Variants in INTS10 observed in about 807,000 individuals in gnomAD.
The protein encoded by INTS10 is chromosome 8 open reading frame 35.
Under a neutral mutation model 94.4 loss-of-function variants are expected in INTS10, and 44 were observed. That is an observed-to-expected ratio of 0.47 (90% confidence interval 0.37 to 0.60). The LOEUF is 0.60. Ranked by LOEUF, INTS10 falls within the 20% of genes least tolerant of loss-of-function variation. The pLI is 0.00. For synonymous variants in INTS10, 341 were observed against 320.7 expected (o/e 1.06, Z -0.68); for missense variants, 797 against 868.7 (o/e 0.92, Z 1.04).
intron 10 of INTS10, among the ~76,000 whole-genome samples, 183 bp from the exon 11 acceptor site, chr8:19,831,845 A>G (rs2067251955): frequency 1.3e-5 from 2 of 152,240 alleles, no homozygotes. Context: ...CTTGTGTATT[A>G]CTGATAAGTG....
chr8:19,823,501 G>A (rs2066551674), intron 6 of INTS10, 60 bp downstream of exon 6: 2 of 1,152,046 alleles, frequency 1.7e-6, no homozygotes, highest in Admixed American at 1.9e-5. Context: ...GCAAAATTCA[G>A]AAACCCCTCA....
Position 19,817,851 on chromosome 8 carries a change from C to T in INTS10, c.129+185C>T, listed in dbSNP as rs541615320. Among the ~76,000 whole-genome samples the T allele has an allele frequency of 4.6e-5, 7 of 151,542 alleles. No individual in the cohort carries two copies. In the East Asian group the frequency reaches 1.2e-3, roughly 25 times the overall value. On this transcript the variant is annotated intron_variant, in intron 1 of 16. Coordinates refer to ENST00000397977, the MANE Select transcript of INTS10 (RefSeq NM_018142.4). ...TACACCTTGCTCCTACACCTTTCAC[C>T]CGCCTTGCTCCTACACCTTCCAGGA...
rs890953635 is a variant in INTS10 at position 19,843,957 on chromosome 8, A to G, written c.1720-119A>G. ...TGTGCCTTTGTTTCCTTCTTACTCT[A>G]ATGACGTTTATCACACATTTGCATA... On this transcript the variant is annotated intron_variant, in intron 14 of 16. Coordinates refer to ENST00000397977, the MANE Select transcript of INTS10 (RefSeq NM_018142.4). The surrounding 1 kb of genome is among the most constrained non-coding windows in gnomAD (Gnocchi z 4.7). The G allele has an allele frequency of 2.8e-6, 2 of 701,914 alleles. No individual in the cohort carries two copies. The highest frequency in any genetic ancestry group is 4.7e-6 in the Non-Finnish European group (2 of 427,880). 43.5% of individuals were successfully genotyped at this position (701,914 alleles called of 1,614,324 possible). A position where few individuals can be genotyped will look rare whatever the true frequency, so the allele number is the denominator to read the frequency against.
intron 11 of INTS10, among the ~76,000 whole-genome samples, chr8:19,832,754 C>G (rs1035734538): frequency 1.3e-5 from 2 of 152,174 alleles, no homozygotes; most frequent in African/African-American, 4.8e-5. Context: ...CATCTTAGAC[C>G]TTGAATGGAG....
In INTS10 at chr8:19,820,241, G is replaced by A. The variant is rs2066265278; in HGVS notation, c.302-138G>A. On this transcript the variant is annotated intron_variant, in intron 3 of 16. Transcript: ENST00000397977. ...ACTATTGGCTCCAAAAGGCTGCCAG[G>A]TTGTAGGTGAAACTTAACTGCATTG... 5 of 702,618 alleles carry A rather than the reference G, an allele frequency of 7.1e-6. No homozygotes were observed. In the African/African-American group the frequency reaches 7.3e-5, roughly 10 times the overall value. The allele number at this position is 702,618 out of a possible 1,614,324, so 43.5% of individuals were successfully genotyped here.
chr8:19,840,813 G>A (rs113702596), intron 13 of INTS10, among the ~76,000 whole-genome samples: 2,283 of 152,270 alleles, frequency 0.015, 68 homozygotes, highest in African/African-American at 0.053. Flanking sequence ...AAAGTTTCTG[G>A]TTGAAACTCA....
At chr8:19,848,053 T>C (rs1057238788) in intron 16 of INTS10, among the ~76,000 whole-genome samples, 4 of 152,262 alleles carry the variant, frequency 2.6e-5, no homozygotes, top group Admixed American at 2.6e-4. Flanking sequence ...TGTGTGAATC[T>C]CAAGGTTAAT....
Position 19,849,074 on chromosome 8 carries a change from C to T in INTS10, c.1977-2575C>T. 1 of 531,040 alleles carries T rather than the reference C, an allele frequency of 1.9e-6. No individual in the cohort carries two copies. Among genetic ancestry groups the T allele is most frequent in the Non-Finnish European group, 3.3e-6 (1 of 303,562 alleles). 32.9% of individuals were successfully genotyped at this position (531,040 alleles called of 1,614,324 possible). A position where few individuals can be genotyped will look rare whatever the true frequency, so the allele number is the denominator to read the frequency against. ...AGTTTCTGTTTAGTCTGCTTCTAGT[C>T]TTGTGTATTTTCTCTGGAGTGTTGT... On this transcript the variant is annotated intron_variant, in intron 16 of 16. Coordinates refer to ENST00000397977, the MANE Select transcript of INTS10 (RefSeq NM_018142.4). This position sits in a 1 kb window ranked among gnomAD's most constrained non-coding sequence, Gnocchi z 4.6.
At chr8:19,844,789 A>T (rs2068434771) in intron 15 of INTS10, among the ~76,000 whole-genome samples, 1 of 152,194 alleles carries the variant, frequency 6.6e-6, no homozygotes, top group Non-Finnish European at 1.5e-5. Flanking sequence ...AAGGTTAGTT[A>T]TCAATTTGGG....
At chr8:19,850,874 A>C (rs1200576070) in intron 16 of INTS10, among the ~76,000 whole-genome samples, 2 of 152,044 alleles carry the variant, frequency 1.3e-5, no homozygotes, top group Non-Finnish European at 2.9e-5. Flanking sequence ...GGGTGTAGTT[A>C]AGAGACATTT....
chr8:19,819,283 C>A (rs1424264381), intron 2 of INTS10, among the ~76,000 whole-genome samples: 2 of 152,246 alleles, frequency 1.3e-5, no homozygotes, highest in East Asian at 3.9e-4. Context: ...TTGCCTTTGC[C>A]TATTTTTTCT....
At chr8:19,825,861 A>G (rs1164935445) in intron 8 of INTS10, among the ~76,000 whole-genome samples, 1 of 152,204 alleles carries the variant, frequency 6.6e-6, no homozygotes, top group African/African-American at 2.4e-5. Flanking sequence ...CAGATACATA[A>G]CAAATACAAA....
At chr8:19,830,916 C>T (rs1432235138) in intron 10 of INTS10, among the ~76,000 whole-genome samples, 2 of 152,178 alleles carry the variant, frequency 1.3e-5, no homozygotes, top group Non-Finnish European at 2.9e-5. Context: ...ACGTGATCCG[C>T]CCACCTTGGC....
intron 2 of INTS10, 23 bp downstream of exon 2, chr8:19,818,365 C>G (rs1563318733): frequency 6.2e-7 from 1 of 1,610,734 alleles, no homozygotes; most frequent in East Asian, 2.2e-5. Flanking sequence ...CTTGACATCA[C>G]TTTTACTGCA....
At chr8:19,820,087 A>G (rs1245716776) in intron 3 of INTS10, among the ~76,000 whole-genome samples, 2 of 152,238 alleles carry the variant, frequency 1.3e-5, no homozygotes, top group Admixed American at 1.3e-4. Context: ...TTGAACTTCA[A>G]CAAGCACATG....
intron 6 of INTS10, 129 bp downstream of exon 6, chr8:19,823,570 A>G: frequency 5.6e-6 from 4 of 708,678 alleles, no homozygotes; most frequent in Non-Finnish European, 7.0e-6. Context: ...AAAAGATGGT[A>G]TCTAGAAAAA....
At chr8:19,850,832 G>A (rs1261981827) in intron 16 of INTS10, among the ~76,000 whole-genome samples, 2 of 152,070 alleles carry the variant, frequency 1.3e-5, no homozygotes, top group South Asian at 4.1e-4. Flanking sequence ...GGGATTTCAT[G>A]TGTGATTTCT....
chr8:19,851,685 G>GA lies in INTS10; in HGVS notation c.2015dup (p.Glu673GlyfsTer28). On this transcript the variant is annotated frameshift_variant, in exon 17 of 17. Transcript: ENST00000397977. LOFTEE classifies it high-confidence loss of function. The surrounding 1 kb of genome is among the most constrained non-coding windows in gnomAD (Gnocchi z 5.0). ...TAACTCGAGGCATCACCAAAGGCGTGAAGGAGGACTTTCGCCTGGCCATGG... is the reference window on the plus strand; with the variant it reads ...TAACTCGAGGCATCACCAAAGGCGTGAAAGGAGGACTTTCGCCTGGCCATGG... 1 of 1,614,212 alleles carries GA rather than the reference G, an allele frequency of 6.2e-7. No individual in the cohort carries two copies. Among genetic ancestry groups the GA allele is most frequent in the East Asian group, 2.2e-5 (1 of 44,880 alleles).
chr8:19,836,656 A>G (rs566790135), intron 12 of INTS10, among the ~76,000 whole-genome samples: 79 of 152,272 alleles, frequency 5.2e-4, no homozygotes, highest in African/African-American at 1.8e-3. Context: ...GTTATGCTCT[A>G]TATCATACTC....
Sources: allele counts gnomAD v4.1 joint callset (sites outside exome capture counted in the v4.1 genomes callset), GRCh38; gene constraint gnomAD v4.1.1; non-coding constraint Gnocchi (gnomAD v3.1); transcripts MANE v1.5; gene names NCBI Gene and HGNC (gene_info 2026-07-23, HGNC 2026-07-21).